CSMD3: variants seen among roughly 807,000 people sequenced by gnomAD.
The protein encoded by CSMD3 is CUB and Sushi multiple domains 3, also known as CUB and sushi domain-containing protein 3.
CSMD3 carries 177 observed loss-of-function variants against 435.2 expected under a neutral mutation model. The ratio of observed to expected loss-of-function variants is 0.41; its 90% CI spans 0.36 to 0.46. CSMD3 has a LOEUF of 0.46. Ranked by LOEUF, CSMD3 falls within the 20% of genes least tolerant of loss-of-function variation. CSMD3 has a pLI of 0.34. For synonymous variants in CSMD3, 1,656 were observed against 1,520.5 expected (o/e 1.09, Z -2.07); for missense variants, 4,265 against 4,504.6 (o/e 0.95, Z 1.52).
intron 13 of CSMD3, among the ~76,000 whole-genome samples, chr8:112,777,950 C>T (rs2078286285): frequency 6.6e-6 from 1 of 151,724 alleles, no homozygotes; most frequent in African/African-American, 2.4e-5. Flanking sequence ...TGAGAACAGC[C>T]ACCTTAAGCT....
chr8:112,247,691 G>A lies in CSMD3; in HGVS notation c.10111-560C>T, dbSNP rs545558856. 6.6e-5 allele frequency among the ~76,000 whole-genome samples: 10 copies of A among 152,142 alleles called. No individual in the cohort carries two copies. In the South Asian group the frequency reaches 2.1e-3, roughly 32 times the overall value. On this transcript the variant is annotated intron_variant, in intron 63 of 70. Coordinates refer to ENST00000297405, the MANE Select transcript of CSMD3 (RefSeq NM_198123.2). ...AATTAGGAGAATATCTAGGACAATG[G>A]CTTTCAAAGTGTAGTCTCTAGGCCA...
intron 6 of CSMD3, among the ~76,000 whole-genome samples, chr8:112,994,718 T>C (rs2085581713): frequency 6.6e-6 from 1 of 151,572 alleles, no homozygotes; most frequent in African/African-American, 2.4e-5. Flanking sequence ...CACATCTTCA[T>C]ATTCAGGCCT....
intron 1 of CSMD3, among the ~76,000 whole-genome samples, chr8:113,398,726 T>C (rs2094495290): frequency 6.6e-6 from 1 of 152,118 alleles, no homozygotes; most frequent in Admixed American, 6.6e-5. Context: ...TGCAAACCAC[T>C]AACTTTGTGT....
intron 1 of CSMD3, among the ~76,000 whole-genome samples, chr8:113,403,810 A>G (rs2094520765): frequency 6.6e-6 from 1 of 151,472 alleles, no homozygotes; most frequent in South Asian, 2.1e-4. Flanking sequence ...GGCCTTTTTC[A>G]ACTCTGCATG....
intron 35 of CSMD3, among the ~76,000 whole-genome samples, chr8:112,394,440 C>G (rs1391918668): frequency 1.3e-5 from 2 of 152,024 alleles, no homozygotes; most frequent in Non-Finnish European, 2.9e-5. Context: ...CAATATATTC[C>G]CATACTAGTT....
At chr8:112,264,161 T>C (rs1187993627) in intron 60 of CSMD3, among the ~76,000 whole-genome samples, 1 of 152,102 alleles carries the variant, frequency 6.6e-6, no homozygotes, top group East Asian at 1.9e-4. Flanking sequence ...TCCAATGACC[T>C]TTAGACAGAC....
At position 112,406,738 on chromosome 8, in the gene CSMD3, A is replaced by T. The variant is rs1445247231; in HGVS notation, c.5606-11T>A. On this transcript the variant is annotated splice_polypyrimidine_tract_variant and intron_variant, in intron 34 of 70. Transcript: ENST00000297405. The stretch of plus-strand genomic sequence containing the variant: ...TTGTTCTAGGAACAGCTGTGTAGAA[A>T]TATTATATTTATTTTAATTTTATAT... The T allele has an allele frequency of 6.6e-7, 1 of 1,526,202 alleles. No individual in the cohort carries two copies. The allele number at this position is 1,526,202 out of a possible 1,614,324, so 94.5% of individuals were successfully genotyped here.
chr8:113,251,881 A>G (rs1351180111), intron 3 of CSMD3, among the ~76,000 whole-genome samples: 1 of 152,052 alleles, frequency 6.6e-6, no homozygotes, highest in Non-Finnish European at 1.5e-5. Context: ...TAAATTGTAT[A>G]CTTTCTTAGA....
chr8:112,959,610 T>C (rs75051560), intron 7 of CSMD3, among the ~76,000 whole-genome samples: 1,575 of 152,000 alleles, frequency 0.01, 21 homozygotes, highest in African/African-American at 0.036. Context: ...TTTGATATGA[T>C]ACCTGGATGT....
chr8:112,461,230 A>C (rs899458947), intron 32 of CSMD3, among the ~76,000 whole-genome samples: 1 of 152,176 alleles, frequency 6.6e-6, no homozygotes, highest in African/African-American at 2.4e-5. Flanking sequence ...CCTTGTTTAC[A>C]AAAGACTCCG....
chr8:113,421,755 T>C (rs2094609959), intron 1 of CSMD3, among the ~76,000 whole-genome samples: 1 of 152,126 alleles, frequency 6.6e-6, no homozygotes. Context: ...CTTATCTGAC[T>C]AATAAAATTT....
chr8:112,336,027 C>G (rs558297720), intron 44 of CSMD3, among the ~76,000 whole-genome samples: 1 of 152,096 alleles, frequency 6.6e-6, no homozygotes, highest in Non-Finnish European at 1.5e-5. Flanking sequence ...ATCCTCTCAT[C>G]TCAGCCTCCT....
rs2090246147 is a variant in CSMD3, at chr8:113,098,915, G to T, written c.758C>A (p.Ser253Tyr). Residue 253 changes from serine to tyrosine, a missense_variant, in exon 5 of 71, where the codon TCC becomes TAC. This residue lies in a region of CSMD3 where 731 missense variants were observed against 755.4 expected (regional missense o/e 0.97). Transcript: ENST00000297405. ...GTMRGSSGII[S>Y]SPSFPNEYHN... Reference sequence around the variant, plus strand: ...GTACTCATTAGGAAAACTAGGGCTGGATATGATGCCACTGGATCCTCTCAT... The same window carrying T: ...GTACTCATTAGGAAAACTAGGGCTGTATATGATGCCACTGGATCCTCTCAT... 3 of 1,612,540 alleles carry T rather than the reference G, an allele frequency of 1.9e-6. No homozygotes were observed. Among genetic ancestry groups the T allele is most frequent in the East Asian group, 2.2e-5 (1 of 44,834 alleles).
chr8:113,425,484 C>T (rs2094630913), intron 1 of CSMD3, among the ~76,000 whole-genome samples: 1 of 151,046 alleles, frequency 6.6e-6, no homozygotes, highest in Non-Finnish European at 1.5e-5. Context: ...TAGTAATCTT[C>T]AAATTATTGA....
chr8:112,276,887 G>T lies in CSMD3; in HGVS notation c.9508+4287C>A, dbSNP rs541665468. On this transcript the variant is annotated intron_variant, in intron 59 of 70. Transcript: ENST00000297405. Reference sequence around the variant, plus strand: ...AAGCCACAGCCTGAGCCATACCTTGGTCCCTTTAGCCATGGGTGGGATGCA... The same window carrying T: ...AAGCCACAGCCTGAGCCATACCTTGTTCCCTTTAGCCATGGGTGGGATGCA... 2.6e-5 allele frequency among the ~76,000 whole-genome samples: 4 copies of T among 152,028 alleles called. No homozygotes were observed. In the South Asian group the frequency reaches 8.3e-4, roughly 32 times the overall value.
intron 13 of CSMD3, among the ~76,000 whole-genome samples, chr8:112,736,138 T>C (rs2077181193): frequency 6.6e-6 from 1 of 152,056 alleles, no homozygotes; most frequent in Non-Finnish European, 1.5e-5. Flanking sequence ...AATGAATAAA[T>C]ACTTTCACTG....
At chr8:113,002,419 A>G (rs899064980) in intron 6 of CSMD3, among the ~76,000 whole-genome samples, 1 of 152,160 alleles carries the variant, frequency 6.6e-6, no homozygotes, top group Non-Finnish European at 1.5e-5. Flanking sequence ...CTTTAGTAAA[A>G]ACAAAAATAA....
intron 5 of CSMD3, among the ~76,000 whole-genome samples, chr8:113,046,545 T>G (rs2087842990): frequency 6.6e-6 from 1 of 152,192 alleles, no homozygotes; most frequent in Admixed American, 6.5e-5. Context: ...CGCTGCTGGA[T>G]GCAGCGTCGA....
chr8:112,237,340 C>T lies in CSMD3; in HGVS notation c.10477G>A (p.Asp3493Asn), dbSNP rs1455525978. The T allele has an allele frequency of 1.2e-6, 2 of 1,606,876 alleles. No individual in the cohort carries two copies. The highest frequency in any genetic ancestry group is 3.3e-5 in the Admixed American group (2 of 59,960). The change falls in exon 67 of 71, where the codon GAT becomes AAT. Residue 3493 changes from aspartate (D) to asparagine (N), a missense_variant. This residue lies in a region of CSMD3 where 3,255 missense variants were observed against 3,380.2 expected (regional missense o/e 0.96). Transcript: ENST00000297405. ...CATATATAATTTTGGGCAAATACAT[C>T]ATCAGGAACTGTGAATAGATTAAAT... Reference protein sequence around the residue: ...TPSPKLSVPDDVFAQNYIWKG... With the variant: ...TPSPKLSVPDNVFAQNYIWKG...
Sources: allele counts gnomAD v4.1 joint callset (sites outside exome capture counted in the v4.1 genomes callset), GRCh38; gene constraint gnomAD v4.1.1; regional missense constraint gnomAD v4.1.1; transcripts MANE v1.5; gene names NCBI Gene and HGNC (gene_info 2026-07-23, HGNC 2026-07-21).